The following RHNO1 variants were observed in gnomAD, a reference collection of about 807,000 sequenced individuals.
RHNO1 encodes RAD9-HUS1-RAD1 interacting nuclear orphan 1, also known as RAD9, HUS1, RAD1-interacting nuclear orphan protein 1.
Under a neutral mutation model 7.2 loss-of-function variants are expected in RHNO1, and 9 were observed. That is an observed-to-expected ratio of 1.25 (90% CI 0.75 to 2.18). RHNO1 has a LOEUF of 2.18. Ranked by LOEUF, RHNO1 falls within the 30% of genes most tolerant of loss-of-function variation. RHNO1 has a pLI of 0.00. For missense variants in RHNO1, 292 were observed against 284.5 expected (o/e 1.03, Z -0.19); for synonymous variants, 95 against 107.5 (o/e 0.88, Z 0.72).
chr12:2,877,519 G>C (rs113742292), intron 1 of RHNO1, among the ~76,000 whole-genome samples: 1 of 152,210 alleles, frequency 6.6e-6, no homozygotes, highest in African/African-American at 2.4e-5. Context: ...CTCGGCTTTA[G>C]TTGATTTCCT....
intron 2 of RHNO1, among the ~76,000 whole-genome samples, chr12:2,887,500 A>G (rs2098167011): frequency 1.4e-5 from 2 of 139,076 alleles, no homozygotes. Context: ...AAAAAAAAAA[A>G]TACCTGGGCG....
rs1438975952 is a variant in RHNO1, at chr12:2,885,574, T to C, written c.168+40T>C. ...TTACTATTTGACATTTTTTTTTTTT[T>C]TTTTTTTTTTTTTTTTTTGAGACGG... is the stretch of plus-strand genomic sequence containing the variant. On this transcript the variant is annotated intron_variant, in intron 2 of 2. Transcript: ENST00000489288. 3 of 1,458,418 alleles carry C rather than the reference T, an allele frequency of 2.1e-6. No homozygotes were observed. In the African/African-American group the frequency reaches 4.7e-5, roughly 23 times the overall value. The allele number at this position is 1,458,418 out of a possible 1,614,324, so 90.3% of individuals were successfully genotyped here. A position where few individuals can be genotyped will look rare whatever the true frequency, so the allele number is the denominator to read the frequency against.
At chr12:2,884,644 T>G (rs1434102910) in intron 1 of RHNO1, among the ~76,000 whole-genome samples, 1 of 148,794 alleles carries the variant, frequency 6.7e-6, no homozygotes, top group Non-Finnish European at 1.5e-5. Flanking sequence ...ATTACAGGCG[T>G]AAGCCCCCTC....
rs558835996 is a variant in RHNO1 at position 2,888,351 on chromosome 12, C to T, written c.609C>T (p.Pro203=). 6.0e-5 allele frequency: 97 copies of T among 1,614,136 alleles called. No homozygotes were observed. The highest frequency in any genetic ancestry group is 5.8e-4 in the East Asian group (26 of 44,888). ...GACCTGTTCTGGTTAAAGACACCCC[C>T]GAGGACAAGTATGGAATAAAGGTCA... is the stretch of plus-strand genomic sequence containing the variant. ...EPGPVLVKDT[P]EDKYGIKVTW... The change falls in exon 3 of 3, where the codon CCC becomes CCT. Residue 203 remains proline, a synonymous_variant. Coordinates refer to ENST00000489288, the MANE Select transcript of RHNO1 (RefSeq NM_001252499.3).
intron 1 of RHNO1, among the ~76,000 whole-genome samples, chr12:2,883,744 G>A (rs372527966): frequency 2.0e-5 from 3 of 151,420 alleles, no homozygotes; most frequent in Non-Finnish European, 2.9e-5. Flanking sequence ...TCGAACTCCC[G>A]ACCTCAGGTG....
chr12:2,877,336 GAGGGGCCGGAGGGGT>G (rs2098147805), intron 1 of RHNO1, 54 bp downstream of exon 1: 1 of 152,156 alleles, frequency 6.6e-6, no homozygotes, highest in African/African-American at 2.4e-5. Context: ...TGGGGCCGGG[GAGGGGCCGGAGGGGT>G]CCCCGCCGCG....
chr12:2,882,702 C>T (rs2098159481), intron 1 of RHNO1, among the ~76,000 whole-genome samples: 1 of 151,934 alleles, frequency 6.6e-6, no homozygotes, highest in Non-Finnish European at 1.5e-5. Context: ...GACTCCGTCT[C>T]AAAAGATAAA....
At chr12:2,885,050 G>A in intron 1 of RHNO1, 1 of 277,286 alleles carries the variant, frequency 3.6e-6, no homozygotes, top group South Asian at 7.1e-5. Flanking sequence ...TTGAATAAAT[G>A]GTTATTCATC....
chr12:2,883,355 AACAGATGAG>A (rs1470891759), intron 1 of RHNO1, among the ~76,000 whole-genome samples: 3 of 150,742 alleles, frequency 2.0e-5, no homozygotes, highest in Non-Finnish European at 3.0e-5. Flanking sequence ...TAGCCTAGGC[AACAGATGAG>A]ACCCTATCTC....
Position 2,885,322 on chromosome 12 carries a change from C to G in RHNO1, c.-45C>G. On this transcript the variant is annotated 5_prime_UTR_variant, in exon 2 of 3. Coordinates refer to ENST00000489288, the MANE Select transcript of RHNO1 (RefSeq NM_001252499.3). The stretch of plus-strand genomic sequence containing the variant: ...TGGAGCCTATCCCCCAACCCGAAGG[C>G]TAACAGCATCATGTGGTTACTAACT... 1 of 1,564,100 alleles carries G rather than the reference C, an allele frequency of 6.4e-7. No homozygotes were observed. The highest frequency in any genetic ancestry group is 1.8e-5 in the Admixed American group (1 of 54,326).
chr12:2,882,909 TC>T (rs1343477342), intron 1 of RHNO1, among the ~76,000 whole-genome samples: 1 of 151,450 alleles, frequency 6.6e-6, no homozygotes, highest in Non-Finnish European at 1.5e-5. Flanking sequence ...AAAAAATGTT[TC>T]AAAAAAAGTT....
chr12:2,883,929 C>T (rs1054384779), intron 1 of RHNO1, among the ~76,000 whole-genome samples: 10 of 152,086 alleles, frequency 6.6e-5, no homozygotes, highest in African/African-American at 2.4e-4. Context: ...ACACAGGGTC[C>T]ATTACATTAT....
intron 1 of RHNO1, among the ~76,000 whole-genome samples, chr12:2,881,005 G>A (rs745631793): frequency 2.6e-5 from 4 of 152,094 alleles, no homozygotes; most frequent in Non-Finnish European, 5.9e-5. Context: ...GCTGAGCAAC[G>A]TACCCATTTG....
At chr12:2,881,614 A>G (rs1356008250) in intron 1 of RHNO1, among the ~76,000 whole-genome samples, 1 of 152,066 alleles carries the variant, frequency 6.6e-6, no homozygotes, top group Admixed American at 6.6e-5. Flanking sequence ...TTCCTTAAGA[A>G]TAGAAACTTT....
At chr12:2,881,188 C>T (rs376002723) in intron 1 of RHNO1, among the ~76,000 whole-genome samples, 35 of 152,018 alleles carry the variant, frequency 2.3e-4, no homozygotes, top group African/African-American at 7.0e-4. Flanking sequence ...CTGCAACCTC[C>T]GCCTCCCGGG....
At chr12:2,886,926 C>G in intron 2 of RHNO1, 1 of 455,286 alleles carries the variant, frequency 2.2e-6, no homozygotes, top group Non-Finnish European at 4.4e-6. Flanking sequence ...TAGTTCTCAC[C>G]CGCTATGCTT....
At chr12:2,879,919 A>T (rs1603502850) in intron 1 of RHNO1, among the ~76,000 whole-genome samples, 1 of 152,090 alleles carries the variant, frequency 6.6e-6, no homozygotes, top group South Asian at 2.1e-4. Context: ...AGGTTTGTAT[A>T]TTTGCTTTCT....
Position 2,888,585 on chromosome 12 carries a change from T to C in RHNO1, c.*126T>C. On this transcript the variant is annotated 3_prime_UTR_variant, in exon 3 of 3. Transcript: ENST00000489288. ...CTCTGTTGCCCAGGCTGGAGTGCAGTGGTATGATCTCACCTTACTGCAACC... is the reference window on the plus strand; with the variant it reads ...CTCTGTTGCCCAGGCTGGAGTGCAGCGGTATGATCTCACCTTACTGCAACC... 1 of 783,236 alleles carries C rather than the reference T, an allele frequency of 1.3e-6. No homozygotes were observed. Among genetic ancestry groups the C allele is most frequent in the East Asian group, 2.7e-5 (1 of 36,906 alleles). The allele number at this position is 783,236 out of a possible 1,614,324, so 48.5% of individuals were successfully genotyped here. A position where few individuals can be genotyped will look rare whatever the true frequency, so the allele number is the denominator to read the frequency against.
intron 1 of RHNO1, among the ~76,000 whole-genome samples, chr12:2,878,728 A>G (rs961484564): frequency 3.3e-5 from 5 of 151,832 alleles, no homozygotes; most frequent in African/African-American, 7.3e-5. Flanking sequence ...CAGAGAGAGT[A>G]AAAAAGGGGC....
Sources: allele counts gnomAD v4.1 joint callset (sites outside exome capture counted in the v4.1 genomes callset), GRCh38; gene constraint gnomAD v4.1.1; transcripts MANE v1.5; gene names NCBI Gene and HGNC (gene_info 2026-07-23, HGNC 2026-07-21).